The following PCNT variants were observed in gnomAD, a reference collection of about 807,000 sequenced individuals.
The protein encoded by PCNT is pericentrin, also known as kendrin.
A neutral mutation model predicts 380.4 loss-of-function variants in PCNT; 319 were observed. That is an observed-to-expected ratio of 0.84 (90% confidence interval 0.77 to 0.92). PCNT has a LOEUF of 0.92. Among genes scored for constraint, PCNT ranks in the 40% least tolerant of loss-of-function variants. The pLI, the probability that PCNT is intolerant of heterozygous loss-of-function variation, is 0.00. For synonymous variants in PCNT, 1,845 were observed against 1,735.2 expected (o/e 1.06, Z -1.57); for missense variants, 4,400 against 4,255.3 (o/e 1.03, Z -0.95).
chr21:46,366,361 T>A (rs1226411997), intron 14 of PCNT, among the ~76,000 whole-genome samples: 3 of 152,190 alleles, frequency 2.0e-5, no homozygotes, highest in Non-Finnish European at 2.9e-5. Flanking sequence ...TCCCATGGCT[T>A]TGGCCTTTGG....
intron 24 of PCNT, 134 bp downstream of exon 24, chr21:46,398,389 G>A (rs1432348718): frequency 1.0e-5 from 9 of 895,024 alleles, no homozygotes; most frequent in African/African-American, 1.7e-5. Context: ...TCTCTTGTCT[G>A]AGGAAGCTGT....
In PCNT at chr21:46,388,079, A is replaced by G. The variant is rs1433456918; in HGVS notation, c.3465-663A>G. 6.6e-6 allele frequency among the ~76,000 whole-genome samples: 1 copy of G among 152,044 alleles called. No homozygotes were observed. The highest frequency in any genetic ancestry group is 1.5e-5 in the Non-Finnish European group (1 of 67,994). ...CAAAAAATTAGCCGGGCGTGGTGAC[A>G]GACGCCTGTAGTCCCAGCTACTCGG... On this transcript the variant is annotated intron_variant, in intron 17 of 46. Coordinates refer to ENST00000359568, the MANE Select transcript of PCNT (RefSeq NM_006031.6). The surrounding 1 kb of genome is among the most constrained non-coding windows in gnomAD (Gnocchi z 4.2).
At chr21:46,444,939 A>G in intron 46 of PCNT, 118 bp downstream of exon 46, 1 of 934,260 alleles carries the variant, frequency 1.1e-6, no homozygotes, top group Non-Finnish European at 1.7e-6. Flanking sequence ...AGTCTGAACA[A>G]TCAGTGTCAC....
chr21:46,324,850 T>G (rs1487826172), intron 1 of PCNT: 2 of 984,878 alleles, frequency 2.0e-6, no homozygotes, highest in African/African-American at 1.7e-5. Flanking sequence ...CGCCTTCGCC[T>G]CGTCCGTCGG....
intron 14 of PCNT, among the ~76,000 whole-genome samples, chr21:46,364,225 C>T (rs1200620493): frequency 6.6e-6 from 1 of 151,856 alleles, no homozygotes; most frequent in Non-Finnish European, 1.5e-5. Flanking sequence ...CCCCTGGCCG[C>T]AGTGGGACAG....
chr21:46,392,040 G>A (rs1371814600), intron 21 of PCNT, among the ~76,000 whole-genome samples: 1 of 151,954 alleles, frequency 6.6e-6, no homozygotes, highest in Non-Finnish European at 1.5e-5. Flanking sequence ...TAGAAGCTTG[G>A]GCATCGCAGG....
At chr21:46,432,835 G>A (rs1321225809) in intron 38 of PCNT, among the ~76,000 whole-genome samples, 4 of 152,096 alleles carry the variant, frequency 2.6e-5, no homozygotes, top group African/African-American at 4.8e-5. Context: ...TGGCCAGGCT[G>A]GTCTCAAACT....
At chr21:46,332,833 G>T (rs551571232) in intron 2 of PCNT, among the ~76,000 whole-genome samples, 1 of 152,236 alleles carries the variant, frequency 6.6e-6, no homozygotes, top group African/African-American at 2.4e-5. Context: ...GCTAATCTGG[G>T]CACTGTGGCT....
intron 13 of PCNT, among the ~76,000 whole-genome samples, chr21:46,359,486 T>G (rs1344500680): frequency 6.2e-5 from 5 of 80,688 alleles, no homozygotes; most frequent in African/African-American, 1.6e-4. Flanking sequence ...ACCTGTTTTT[T>G]TTTTGTTTTT....
Position 46,367,044 on chromosome 21 carries a change from G to A in PCNT, c.3070G>A (p.Glu1024Lys), listed in dbSNP as rs760714364. Residue 1024 changes from glutamate to lysine, a missense_variant, in exon 15 of 47, where the codon GAA (glutamate) becomes AAA (lysine). By Grantham distance (56) the Glu-to-Lys change is moderately conservative. Coordinates refer to ENST00000359568, the MANE Select transcript of PCNT (RefSeq NM_006031.6). ...GTTGGAGAAACTGAAGCGGAAACAC[G>A]AAGGGGAGCTACAGTCTGTGCGGGA... is the stretch of plus-strand genomic sequence containing the variant. Reference protein sequence around the residue: ...QELEKLKRKHEGELQSVRDHL... With the variant: ...QELEKLKRKHKGELQSVRDHL... 32 of 1,613,976 alleles carry A rather than the reference G, an allele frequency of 2.0e-5. No individual in the cohort carries two copies. The highest frequency in any genetic ancestry group is 2.5e-5 in the Non-Finnish European group (29 of 1,180,022).
At chr21:46,436,733 C>T (rs114443838) in intron 39 of PCNT, among the ~76,000 whole-genome samples, 4 of 152,256 alleles carry the variant, frequency 2.6e-5, no homozygotes, top group African/African-American at 9.6e-5. Context: ...GCCTGGCAGG[C>T]GGTGGCTTCC....
chr21:46,402,585 A>C, intron 27 of PCNT, 102 bp downstream of exon 27: 1 of 1,284,020 alleles, frequency 7.8e-7, no homozygotes, highest in Non-Finnish European at 1.1e-6. Context: ...TCTGGTCTTC[A>C]CAGACGCCCG....
At chr21:46,389,601 G>T (rs541788474) in intron 19 of PCNT, among the ~76,000 whole-genome samples, 170 bp downstream of exon 19, 36 of 152,388 alleles carry the variant, frequency 2.4e-4, no homozygotes, top group Non-Finnish European at 4.1e-4. Context: ...ACGAATGAGA[G>T]AATCTGTTTG....
At chr21:46,374,135 T>G (rs1314414114) in intron 15 of PCNT, among the ~76,000 whole-genome samples, 1 of 152,124 alleles carries the variant, frequency 6.6e-6, no homozygotes, top group African/African-American at 2.4e-5. Context: ...TTATGTTTTT[T>G]GGGGCAGAGG....
chr21:46,419,727 C>A (rs2087168714), intron 31 of PCNT, among the ~76,000 whole-genome samples: 1 of 152,208 alleles, frequency 6.6e-6, no homozygotes, highest in African/African-American at 2.4e-5. Context: ...CCAGGCGGCC[C>A]CTTGCCCCTC....
In PCNT at chr21:46,349,012, A is replaced by G. The variant is rs761424722; in HGVS notation, c.1033A>G (p.Thr345Ala). The part of the protein sequence containing the change: ...EMEKNAQIVK[T>A]LKEDWESEKD... ...TTAATTTTTTTTTCTTTTAAATTAG[A>G]CCCTGAAGGAAGATTGGGAATCTGA... The change falls in exon 7 of 47, where the codon ACC becomes GCC. Residue 345 changes from threonine to alanine, a missense_variant and splice_region_variant. Transcript: ENST00000359568. 5 of 1,558,934 alleles carry G rather than the reference A, an allele frequency of 3.2e-6. No homozygotes were observed. Among genetic ancestry groups the G allele is most frequent in the Non-Finnish European group, 4.4e-6 (5 of 1,130,226 alleles).
intron 15 of PCNT, among the ~76,000 whole-genome samples, chr21:46,379,263 T>C (rs377645265): frequency 9.2e-4 from 127 of 137,604 alleles, no homozygotes; most frequent in East Asian, 7.8e-3. Flanking sequence ...CCCGTCTTCC[T>C]GGGCTGCGTG....
chr21:46,427,879 G>A lies in PCNT; in HGVS notation c.7494+84G>A, dbSNP rs1049347981. 3.8e-5 allele frequency: 56 copies of A among 1,464,856 alleles called. 1 individual carries two copies. In the African/African-American group the frequency reaches 6.0e-4, roughly 16 times the overall value. The allele number at this position is 1,464,856 out of a possible 1,614,324, so 90.7% of individuals were successfully genotyped here. On this transcript the variant is annotated intron_variant, in intron 34 of 46. Transcript: ENST00000359568. ...GAGGGTGACACAGACTGTTTTGTGT[G>A]TGAATTTCGGTTTGTGTGTTTCTCT...
At position 46,388,765 on chromosome 21, in the gene PCNT, G is replaced by A. The variant is rs141174744; in HGVS notation, c.3488G>A (p.Arg1163His). The A allele has an allele frequency of 3.0e-5, 49 of 1,613,758 alleles. No homozygotes were observed. The highest frequency in any genetic ancestry group is 6.7e-5 in the East Asian group (3 of 44,884). The change falls in exon 18 of 47, where the codon CGC becomes CAC. Residue 1163 changes from arginine to histidine, a missense_variant. Arg to His is a conservative substitution (Grantham distance 29). Coordinates refer to ENST00000359568, the MANE Select transcript of PCNT (RefSeq NM_006031.6). This position sits in a 1 kb window ranked among gnomAD's most constrained non-coding sequence, Gnocchi z 4.2. ...AGAGGGGCCCTCCAGGACGCCCTGC[G>A]CAGGCTGCTGGGTTTGTTTGGAGAG... Reference protein sequence around the residue: ...SERGALQDALRRLLGLFGETL... With the variant: ...SERGALQDALHRLLGLFGETL...
Sources: allele counts gnomAD v4.1 joint callset (sites outside exome capture counted in the v4.1 genomes callset), GRCh38; gene constraint gnomAD v4.1.1; non-coding constraint Gnocchi (gnomAD v3.1); transcripts MANE v1.5; gene names NCBI Gene and HGNC (gene_info 2026-07-23, HGNC 2026-07-21).